Variants in FBXO32 observed in about 807,000 individuals in gnomAD.
FBXO32 encodes F-box protein 32, also known as F-box only protein 32.
A neutral mutation model predicts 48.3 loss-of-function variants in FBXO32; 15 were observed. The ratio of observed to expected loss-of-function variants is 0.31; its 90% confidence interval spans 0.21 to 0.48. The LOEUF (loss-of-function observed/expected upper bound fraction) is 0.48. Among genes scored for constraint, FBXO32 ranks in the 20% least tolerant of loss-of-function variants. FBXO32 has a pLI of 0.99. For missense variants in FBXO32, 309 were observed against 432.7 expected (o/e 0.71, Z 2.54); for synonymous variants, 154 against 165.9 (o/e 0.93, Z 0.55).
In FBXO32 at chr8:123,501,710, T is replaced by C. The variant is rs1423403870; in HGVS notation, c.*1663A>G. 6.6e-6 allele frequency: 1 copy of C among 152,224 alleles called. No homozygotes were observed. The highest frequency in any genetic ancestry group is 1.5e-5 in the Non-Finnish European group (1 of 68,056). 9.4% of individuals were successfully genotyped at this position (152,224 alleles called of 1,614,324 possible). ...CCTCGTTTCTCTCCATGCTTAGCCA[T>C]CTTTCCCCCTTTCCAGGTCACCCAA... On this transcript the variant is annotated 3_prime_UTR_variant, in exon 9 of 9. Coordinates refer to ENST00000517956, the MANE Select transcript of FBXO32 (RefSeq NM_058229.4).
At position 123,514,280 on chromosome 8, in the gene FBXO32, T is replaced by C; in HGVS notation, c.426A>G (p.Gln142=). The C allele has an allele frequency of 1.2e-6, 2 of 1,613,490 alleles. No homozygotes were observed. Among genetic ancestry groups the C allele is most frequent in the South Asian group, 2.2e-5 (2 of 90,810 alleles). ...SQLTSLSGIA[Q]KNFMNILEKV... Reference sequence around the variant, plus strand: ...TTTCCAAAATATTCATGAAGTTCTTTTGGGCGATGCCACTCAGGGATGTGA... The same window carrying C: ...TTTCCAAAATATTCATGAAGTTCTTCTGGGCGATGCCACTCAGGGATGTGA... The change falls in exon 5 of 9, where the codon CAA becomes CAG. Residue 142 remains glutamine, a synonymous_variant. Coordinates refer to ENST00000517956, the MANE Select transcript of FBXO32 (RefSeq NM_058229.4).
chr8:123,516,600 A>G (rs1211927724), intron 4 of FBXO32, among the ~76,000 whole-genome samples: 1 of 152,172 alleles, frequency 6.6e-6, no homozygotes, highest in Non-Finnish European at 1.5e-5. Flanking sequence ...CTTCCATGGC[A>G]TTTGCATAAC....
chr8:123,503,984 G>A (rs1816557048), intron 8 of FBXO32, among the ~76,000 whole-genome samples: 1 of 151,708 alleles, frequency 6.6e-6, no homozygotes, highest in Non-Finnish European at 1.5e-5. Context: ...GGAGGCTGAA[G>A]CAGGAGAATT....
intron 2 of FBXO32, among the ~76,000 whole-genome samples, 177 bp downstream of exon 2, chr8:123,534,525 T>C (rs1359430543): frequency 2.6e-5 from 4 of 152,234 alleles, no homozygotes; most frequent in African/African-American, 7.2e-5. Flanking sequence ...TTAATCTTGC[T>C]TGTAAAATGC....
chr8:123,535,557 G>A (rs1817292993), intron 1 of FBXO32, among the ~76,000 whole-genome samples: 1 of 152,214 alleles, frequency 6.6e-6, no homozygotes, highest in South Asian at 2.1e-4. Flanking sequence ...GACATTGGAT[G>A]TACCTGCCTA....
intron 4 of FBXO32, among the ~76,000 whole-genome samples, chr8:123,531,399 C>G (rs1472849525): frequency 6.6e-6 from 1 of 152,198 alleles, no homozygotes; most frequent in African/African-American, 2.4e-5. Flanking sequence ...AGTTTTGTGG[C>G]CTCATCTGAG....
At position 123,540,018 on chromosome 8, in the gene FBXO32, C is replaced by T. The variant is rs767721998; in HGVS notation, c.116+881G>A. On this transcript the variant is annotated intron_variant, in intron 1 of 8. Coordinates refer to ENST00000517956, the MANE Select transcript of FBXO32 (RefSeq NM_058229.4). This position sits in a 1 kb window ranked among gnomAD's most constrained non-coding sequence, Gnocchi z 6.4. ...CTTGCGTACTAGCCGGCGCTGGCAT[C>T]GTTAGCCAAGCTGAGCAGGGAGCGC... is the stretch of plus-strand genomic sequence containing the variant. Among the ~76,000 whole-genome samples, 3 of 152,194 alleles carry T rather than the reference C, an allele frequency of 2.0e-5. No homozygotes were observed. The highest frequency in any genetic ancestry group is 4.4e-5 in the Non-Finnish European group (3 of 68,034).
intron 4 of FBXO32, among the ~76,000 whole-genome samples, chr8:123,528,373 C>T (rs186949238): frequency 6.6e-6 from 1 of 152,226 alleles, no homozygotes. Flanking sequence ...AACTTCCAGT[C>T]TGACTGGCTT....
chr8:123,527,940 G>A (rs1160335976), intron 4 of FBXO32, among the ~76,000 whole-genome samples: 2 of 152,172 alleles, frequency 1.3e-5, no homozygotes, highest in South Asian at 2.1e-4. Flanking sequence ...ATGGACCACA[G>A]TACACGCCCC....
intron 4 of FBXO32, among the ~76,000 whole-genome samples, chr8:123,524,978 G>T (rs1324350694): frequency 6.6e-6 from 1 of 152,254 alleles, no homozygotes; most frequent in Non-Finnish European, 1.5e-5. Flanking sequence ...AGCCTTAAGT[G>T]AATCCAAGGT....
intron 6 of FBXO32, among the ~76,000 whole-genome samples, chr8:123,507,243 G>C (rs1816644542): frequency 6.6e-6 from 1 of 152,108 alleles, no homozygotes; most frequent in Non-Finnish European, 1.5e-5. Context: ...TTTTCTAAAA[G>C]AAACTTTGAA....
At chr8:123,504,294 G>C (rs1292887586) in intron 8 of FBXO32, among the ~76,000 whole-genome samples, 1 of 152,062 alleles carries the variant, frequency 6.6e-6, no homozygotes, top group African/African-American at 2.4e-5. Flanking sequence ...AATTTTATAA[G>C]TCTGGAAAAA....
intron 4 of FBXO32, among the ~76,000 whole-genome samples, chr8:123,523,246 C>T (rs567882564): frequency 6.6e-6 from 1 of 152,108 alleles, no homozygotes; most frequent in Non-Finnish European, 1.5e-5. Flanking sequence ...TTTGGCACAT[C>T]CTAAGTTATG....
chr8:123,516,807 A>AAT (rs1816848671), intron 4 of FBXO32, among the ~76,000 whole-genome samples: 1 of 152,000 alleles, frequency 6.6e-6, no homozygotes, highest in East Asian at 1.9e-4. Flanking sequence ...GGTTTGTTGC[A>AAT]ATTAGTACTG....
intron 4 of FBXO32, among the ~76,000 whole-genome samples, chr8:123,528,129 T>G (rs1415096385): frequency 6.6e-6 from 1 of 152,232 alleles, no homozygotes; most frequent in East Asian, 1.9e-4. Flanking sequence ...CACCTTCAAC[T>G]AATTAAATCG....
chr8:123,521,609 A>G (rs956339245), intron 4 of FBXO32, among the ~76,000 whole-genome samples: 1 of 152,236 alleles, frequency 6.6e-6, no homozygotes, highest in African/African-American at 2.4e-5. Context: ...TGTTAGTTTA[A>G]AAGGACAAAA....
chr8:123,512,271 C>T (rs1475751240), intron 6 of FBXO32, among the ~76,000 whole-genome samples: 2 of 152,030 alleles, frequency 1.3e-5, no homozygotes, highest in African/African-American at 2.4e-5. Context: ...GGTACAGAGA[C>T]GTAATTACCA....
chr8:123,504,770 GA>G, intron 7 of FBXO32, 23 bp from the exon 8 acceptor site: 1 of 1,608,564 alleles, frequency 6.2e-7, no homozygotes, highest in Non-Finnish European at 8.5e-7. Flanking sequence ...ATGAATAAAG[GA>G]AATGACAGGA....
rs756352002 is a variant in FBXO32 at position 123,498,276 on chromosome 8, G to A, written c.*5097C>T. The A allele has an allele frequency of 1.3e-5, 2 of 152,140 alleles. No individual in the cohort carries two copies. Among genetic ancestry groups the A allele is most frequent in the Admixed American group, 6.5e-5 (1 of 15,270 alleles). The allele number at this position is 152,140 out of a possible 1,614,324, so 9.4% of individuals were successfully genotyped here. A position where few individuals can be genotyped will look rare whatever the true frequency, so the allele number is the denominator to read the frequency against. ...CTTCTGCTTAACAGACTTGTGCTTC[G>A]TTAATTAAACAAACACATCTATACT... On this transcript the variant is annotated 3_prime_UTR_variant, in exon 9 of 9. Coordinates refer to ENST00000517956, the MANE Select transcript of FBXO32 (RefSeq NM_058229.4).
Sources: allele counts gnomAD v4.1 joint callset (sites outside exome capture counted in the v4.1 genomes callset), GRCh38; gene constraint gnomAD v4.1.1; non-coding constraint Gnocchi (gnomAD v3.1); transcripts MANE v1.5; gene names NCBI Gene and HGNC (gene_info 2026-07-23, HGNC 2026-07-21).